Variants in ADAM21 observed in about 807,000 individuals in gnomAD.
ADAM21 encodes the protein ADAM metallopeptidase domain 21, also known as disintegrin and metalloproteinase domain-containing protein 21.
For missense variants in ADAM21, 678 were observed against 874.4 expected (o/e 0.78, Z 2.83); for synonymous variants, 262 against 306.0 (o/e 0.86, Z 1.50).
chr14:70,459,343 C>G lies in ADAM21; in HGVS notation c.1844C>G (p.Pro615Arg). The G allele has an allele frequency of 6.2e-7, 1 of 1,614,154 alleles. No homozygotes were observed. Among genetic ancestry groups the G allele is most frequent in the Non-Finnish European group, 8.5e-7 (1 of 1,180,034 alleles). Residue 615 changes from proline to arginine, a missense_variant, in exon 2 of 2, where the codon CCA becomes CGA. Transcript: ENST00000603540. The part of the protein sequence containing the change: ...GEVKDGTVCG[P>R]GKICIHKKCV... Reference sequence around the variant, plus strand: ...GTGAAAGATGGTACTGTGTGTGGCCCAGGAAAGATCTGCATCCATAAGAAG... The same window carrying G: ...GTGAAAGATGGTACTGTGTGTGGCCGAGGAAAGATCTGCATCCATAAGAAG...
In ADAM21 at chr14:70,459,004, G is replaced by A; in HGVS notation, c.1505G>A (p.Cys502Tyr). The change falls in exon 2 of 2, where the codon TGC (cysteine) becomes TAC (tyrosine). Residue 502 changes from cysteine to tyrosine, a missense_variant. Physicochemically the swap from Cys to Tyr is radical, Grantham distance 194. Coordinates refer to ENST00000603540, the MANE Select transcript of ADAM21 (RefSeq NM_003813.4). ...DGIPCSDSAY[C>Y]YQKRCNNHDQ... ...ATCCCCTGTAGTGACAGTGCCTACT[G>A]CTATCAAAAGAGGTGTAATAACCAT... is the stretch of plus-strand genomic sequence containing the variant. 6.2e-7 allele frequency: 1 copy of A among 1,614,076 alleles called. No individual in the cohort carries two copies.
At chr14:70,452,914 A>C (rs879525167) in intron 1 of ADAM21, among the ~76,000 whole-genome samples, 4 of 152,184 alleles carry the variant, frequency 2.6e-5, no homozygotes, top group Admixed American at 6.5e-5. Context: ...AGTAGGTGGG[A>C]GAGATGATCT....
Position 70,458,422 on chromosome 14 carries a change from G to T in ADAM21, c.923G>T (p.Gly308Val), listed in dbSNP as rs778028003. The part of the protein sequence containing the change: ...FIKNSLISIL[G>V]LAYVAGICRP... ...AAAAATTCACTTATAAGTATACTTG[G>T]CCTAGCCTATGTTGCAGGAATATGT... The change falls in exon 2 of 2, where the codon GGC (glycine) becomes GTC (valine). Residue 308 changes from glycine to valine, a missense_variant. Gly to Val is a moderately radical substitution (Grantham distance 109, BLOSUM62 -3). Coordinates refer to ENST00000603540, the MANE Select transcript of ADAM21 (RefSeq NM_003813.4). 107 of 1,614,026 alleles carry T rather than the reference G, an allele frequency of 6.6e-5. No homozygotes were observed. Among genetic ancestry groups the T allele is most frequent in the Admixed American group, 8.3e-5 (5 of 60,000 alleles).
intron 1 of ADAM21, among the ~76,000 whole-genome samples, chr14:70,452,541 T>C (rs1462503807): frequency 2.0e-5 from 3 of 152,196 alleles, no homozygotes; most frequent in African/African-American, 7.2e-5. Flanking sequence ...GATTTTTTTG[T>C]ATTTTTAGTA....
rs143022031 is a variant in ADAM21, at chr14:70,458,037, G to A, written c.538G>A (p.Val180Ile). The A allele has an allele frequency of 1.3e-4, 217 of 1,613,954 alleles. 2 individuals carry two copies. The Middle Eastern group carries it at 0.013, about 94-fold the overall frequency. ...AMRCGLTEKE[V>I]ARQQLEFEEA... is the part of the protein sequence containing the mutation. Reference sequence around the variant, plus strand: ...GAGATGTGGCTTAACAGAGAAGGAAGTAGCACGCCAACAGTTGGAATTTGA... The same window carrying A: ...GAGATGTGGCTTAACAGAGAAGGAAATAGCACGCCAACAGTTGGAATTTGA... The change falls in exon 2 of 2, where the codon GTA (valine) becomes ATA (isoleucine). Residue 180 changes from valine to isoleucine, a missense_variant. Val to Ile is a conservative substitution (Grantham distance 29, BLOSUM62 3). Coordinates refer to ENST00000603540, the MANE Select transcript of ADAM21 (RefSeq NM_003813.4).
At chr14:70,455,659 G>A (rs1049908607) in intron 1 of ADAM21, among the ~76,000 whole-genome samples, 9 of 151,990 alleles carry the variant, frequency 5.9e-5, no homozygotes, top group African/African-American at 2.2e-4. Context: ...CCTCCCTTAA[G>A]AGAATTATTT....
Position 70,459,725 on chromosome 14 carries a change from A to G in ADAM21, c.*57A>G. The G allele has an allele frequency of 6.4e-7, 1 of 1,570,442 alleles. No homozygotes were observed. The highest frequency in any genetic ancestry group is 8.6e-7 in the Non-Finnish European group (1 of 1,157,790). On this transcript the variant is annotated 3_prime_UTR_variant, in exon 2 of 2. Coordinates refer to ENST00000603540, the MANE Select transcript of ADAM21 (RefSeq NM_003813.4). ...TAGTACACTTTAGTCTCTTGGCAGT[A>G]GAAACATTAGTACATCCCTGAAACT...
intron 1 of ADAM21, among the ~76,000 whole-genome samples, chr14:70,454,207 T>C (rs1229669960): frequency 6.6e-6 from 1 of 152,234 alleles, no homozygotes. Flanking sequence ...TACTGGATTT[T>C]ATATCTCTAT....
At chr14:70,454,542 T>A (rs1320294834) in intron 1 of ADAM21, among the ~76,000 whole-genome samples, 1 of 152,118 alleles carries the variant, frequency 6.6e-6, no homozygotes, top group Admixed American at 6.6e-5. Flanking sequence ...AAGAAAAGTA[T>A]TTGGGTTTTC....
chr14:70,458,227 A>G lies in ADAM21; in HGVS notation c.728A>G (p.Asp243Gly). The G allele has an allele frequency of 6.2e-7, 1 of 1,613,746 alleles. No homozygotes were observed. Among genetic ancestry groups the G allele is most frequent in the Non-Finnish European group, 8.5e-7 (1 of 1,179,852 alleles). ...EDVFLVVNIV[D>G]SMYKQLGTYI... is the part of the protein sequence containing the mutation. ...GTATTTCTTGTTGTCAACATAGTGG[A>G]TTCCATGTATAAGCAGTTAGGTACT... Residue 243 changes from aspartate to glycine, a missense_variant, in exon 2 of 2, where the codon GAT becomes GGT. Physicochemically the swap from Asp to Gly is moderately conservative, Grantham distance 94. Transcript: ENST00000603540.
chr14:70,459,551 G>T lies in ADAM21; in HGVS notation c.2052G>T (p.Leu684Phe). The change falls in exon 2 of 2, where the codon TTG (leucine) becomes TTT (phenylalanine). Residue 684 changes from leucine to phenylalanine, a missense_variant. Transcript: ENST00000603540. ...CATCTGCAAAGAGAGGAGTTTTTTT[G>T]CCGCTGATTGTGATTCCTTCTTTGT... ...GPASAKRGVF[L>F]PLIVIPSLSV... 6.2e-7 allele frequency: 1 copy of T among 1,614,132 alleles called. No individual in the cohort carries two copies. Among genetic ancestry groups the T allele is most frequent in the South Asian group, 1.1e-5 (1 of 91,088 alleles).
rs3829453 is a variant in ADAM21, at chr14:70,457,850, A to T, written c.351A>T (p.Ala117=). 326,185 of 1,501,460 alleles carry T rather than the reference A, an allele frequency of 0.22. 40,389 individuals are homozygous for T. Among genetic ancestry groups the T allele is most frequent in the East Asian group, 0.58 (25,147 of 43,446 alleles). 93.0% of individuals were successfully genotyped at this position (1,501,460 alleles called of 1,614,324 possible). ...GTTACTATCATGGTTACGTGGAGGC[A>T]GCCCCTGAGTCTCTGGTTGTGTTCA... ...DDCYYHGYVE[A]APESLVVFSA... Residue 117 remains alanine, a synonymous_variant, in exon 2 of 2, where the codon GCA becomes GCT. Coordinates refer to ENST00000603540, the MANE Select transcript of ADAM21 (RefSeq NM_003813.4).
chr14:70,452,687 G>A (rs963136943), intron 1 of ADAM21, among the ~76,000 whole-genome samples: 8 of 152,176 alleles, frequency 5.3e-5, no homozygotes, highest in African/African-American at 1.9e-4. Flanking sequence ...TTAAAGATAT[G>A]AGTGACTTGA....
At position 70,459,441 on chromosome 14, in the gene ADAM21, A is replaced by G. The variant is rs1882490756; in HGVS notation, c.1942A>G (p.Lys648Glu). The G allele has an allele frequency of 6.2e-7, 1 of 1,614,124 alleles. No homozygotes were observed. Among genetic ancestry groups the G allele is most frequent in the African/African-American group, 1.3e-5 (1 of 74,944 alleles). The stretch of plus-strand genomic sequence containing the variant: ...CAATATGAAGGGGATCTGCAATAAC[A>G]AACATCACTGCCACTGTGGCTATGG... ...TCNMKGICNN[K>E]HHCHCGYGWS... Residue 648 changes from lysine to glutamate, a missense_variant, in exon 2 of 2, where the codon AAA becomes GAA. By Grantham distance (56) the Lys-to-Glu change is moderately conservative. Transcript: ENST00000603540.
At chr14:70,453,521 G>C (rs1269244410) in intron 1 of ADAM21, 1 of 152,164 alleles carries the variant, frequency 6.6e-6, no homozygotes, top group Non-Finnish European at 1.5e-5. Context: ...TAGGAATGAA[G>C]ACAATGAGTC....
chr14:70,454,908 TTGC>T (rs1252743439), intron 1 of ADAM21, among the ~76,000 whole-genome samples: 4 of 152,182 alleles, frequency 2.6e-5, no homozygotes, highest in Non-Finnish European at 5.9e-5. Flanking sequence ...TAGTCAGATA[TTGC>T]AGGATAAATG....
chr14:70,458,645 T>C lies in ADAM21; in HGVS notation c.1146T>C (p.Asp382=). ...AATTCACCAATTGCAGTTACGCTGA[T>C]TTTATGAAGACCACCTTAAACCAGG... ...AEKFTNCSYA[D]FMKTTLNQGS... is the part of the protein sequence containing the mutation. Residue 382 remains aspartate (D), a synonymous_variant, in exon 2 of 2, where the codon GAT becomes GAC. Coordinates refer to ENST00000603540, the MANE Select transcript of ADAM21 (RefSeq NM_003813.4). 1 of 1,613,844 alleles carries C rather than the reference T, an allele frequency of 6.2e-7. No individual in the cohort carries two copies. Among genetic ancestry groups the C allele is most frequent in the Non-Finnish European group, 8.5e-7 (1 of 1,179,968 alleles).
intron 1 of ADAM21, among the ~76,000 whole-genome samples, chr14:70,456,679 A>G (rs1318397666): frequency 6.6e-6 from 1 of 152,232 alleles, no homozygotes; most frequent in Non-Finnish European, 1.5e-5. Flanking sequence ...ATTATACTAC[A>G]ATATGAACAC....
Position 70,458,815 on chromosome 14 carries a change from C to T in ADAM21, c.1316C>T (p.Thr439Ile), listed in dbSNP as rs748038569. The part of the protein sequence containing the change: ...EQDACCLLNC[T>I]LRPGAACAFG... Reference sequence around the variant, plus strand: ...GACGCCTGTTGTCTGTTGAACTGCACTCTAAGGCCTGGGGCTGCCTGTGCT... The same window carrying T: ...GACGCCTGTTGTCTGTTGAACTGCATTCTAAGGCCTGGGGCTGCCTGTGCT... Residue 439 changes from threonine (T) to isoleucine (I), a missense_variant, in exon 2 of 2, where the codon ACT (threonine) becomes ATT (isoleucine). By Grantham distance (89) the Thr-to-Ile change is moderately conservative. Coordinates refer to ENST00000603540, the MANE Select transcript of ADAM21 (RefSeq NM_003813.4). 8.7e-6 allele frequency: 14 copies of T among 1,614,178 alleles called. No individual in the cohort carries two copies. In the Middle Eastern group the frequency reaches 6.6e-4, roughly 76 times the overall value.
Sources: gnomAD v4.1 joint callset for allele counts (sites outside exome capture counted in the v4.1 genomes callset) on GRCh38, gnomAD v4.1.1 for gene constraint, MANE v1.5 for transcripts, NCBI Gene and HGNC (gene_info 2026-07-23, HGNC 2026-07-21) for gene names.